Variants in FES observed in about 807,000 individuals in gnomAD.
The protein encoded by FES is tyrosine-protein kinase Fes/Fps.
In FES, 83 loss-of-function variants were observed where a neutral mutation model predicts 109.6. The observed-to-expected ratio is 0.76, with a 90% CI of 0.63 to 0.91. The LOEUF (loss-of-function observed/expected upper bound fraction) is 0.91, where lower values mean the gene tolerates loss of function less well. FES is among the 40% of genes least tolerant of loss of function. FES has a pLI of 0.00. For synonymous variants in FES, 458 were observed against 442.1 expected, an observed-to-expected ratio of 1.04 and a Z score of -0.45; for missense variants, 943 against 1,070.9, an observed-to-expected ratio of 0.88 and a Z score of 1.67.
At position 90,890,853 on chromosome 15, in the gene FES, G is replaced by T. The variant is rs1460627350; in HGVS notation, c.1321-129G>T. 3 of 922,062 alleles carry T rather than the reference G, an allele frequency of 3.3e-6. No individual in the cohort carries two copies. In the Admixed American group the frequency reaches 6.7e-5, roughly 21 times the overall value. 57.1% of individuals were successfully genotyped at this position (922,062 alleles called of 1,614,324 possible). On this transcript the variant is annotated intron_variant, in intron 10 of 18. Transcript: ENST00000328850. ...GTGCCCACTCCAGGGGCCTGTGGAT[G>T]GCTCTGCATGCCACTCCATGGTTGT... is the stretch of plus-strand genomic sequence containing the variant.
rs780027559 is a variant in FES, at chr15:90,890,234, C to T, written c.1192C>T (p.Pro398Ser). The change falls in exon 9 of 19, where the codon CCT becomes TCT. Residue 398 changes from proline (P) to serine (S), a missense_variant. Physicochemically the swap from Pro to Ser is moderately conservative, Grantham distance 74. Transcript: ENST00000328850. ...GCACCTGGGCCCCGGCGAGCCCCCGCCTGTGCTGCTCCTGCAGGATGACCG... is the reference window on the plus strand; with the variant it reads ...GCACCTGGGCCCCGGCGAGCCCCCGTCTGTGCTGCTCCTGCAGGATGACCG... ...LEHLGPGEPP[P>S]VLLLQDDRHS... 1.6e-5 allele frequency: 26 copies of T among 1,599,910 alleles called. No individual in the cohort carries two copies. Among genetic ancestry groups the T allele is most frequent in the Non-Finnish European group, 2.0e-5 (24 of 1,178,352 alleles).
rs753965684 is a variant in FES at position 90,890,965 on chromosome 15, G to T, written c.1321-17G>T. On this transcript the variant is annotated splice_polypyrimidine_tract_variant and intron_variant, in intron 10 of 18. Transcript: ENST00000328850. Reference sequence around the variant, plus strand: ...CAAGGTGGTTAAGTGACTCCTCCTCGATCCTCCCTTGCCCAGCTCCCTCCA... The same window carrying T: ...CAAGGTGGTTAAGTGACTCCTCCTCTATCCTCCCTTGCCCAGCTCCCTCCA... 12 of 1,564,786 alleles carry T rather than the reference G, an allele frequency of 7.7e-6. No individual in the cohort carries two copies. The highest frequency in any genetic ancestry group is 4.7e-5 in the East Asian group (2 of 42,786).
Position 90,885,077 on chromosome 15 carries a change from A to G in FES, c.32A>G (p.Gln11Arg). Residue 11 changes from glutamine (Q) to arginine (R), a missense_variant, in exon 2 of 19, where the codon CAG becomes CGG. Transcript: ENST00000328850. MGFSSELCSPQGHGVLQQMQE... is the reference protein window; with the variant it reads MGFSSELCSPRGHGVLQQMQE... The stretch of plus-strand genomic sequence containing the variant: ...TTCTCTTCCGAGCTGTGCAGCCCCC[A>G]GGGCCACGGGGTCCTGCAGCAAATG... The G allele has an allele frequency of 2.5e-6, 4 of 1,613,110 alleles. No individual in the cohort carries two copies. The highest frequency in any genetic ancestry group is 3.4e-6 in the Non-Finnish European group (4 of 1,179,930).
chr15:90,891,177 A>C lies in FES; in HGVS notation c.1516A>C (p.Ile506Leu). The C allele has an allele frequency of 6.4e-7, 1 of 1,557,912 alleles. No homozygotes were observed. Among genetic ancestry groups the C allele is most frequent in the African/African-American group, 1.4e-5 (1 of 73,782 alleles). The change falls in exon 11 of 19, where the codon ATC (isoleucine) becomes CTC (leucine). Residue 506 changes from isoleucine (I) to leucine (L), a missense_variant. By Grantham distance (5) the Ile-to-Leu change is conservative. Transcript: ENST00000328850. Reference sequence around the variant, plus strand: ...GGATGGTCTGCCCCGGCACTTCATCATCCAGTCCTTGGATGTGAGTGGGGC... The same window carrying C: ...GGATGGTCTGCCCCGGCACTTCATCCTCCAGTCCTTGGATGTGAGTGGGGC... Reference protein sequence around the residue: ...LWDGLPRHFIIQSLDNLYRLE... With the variant: ...LWDGLPRHFILQSLDNLYRLE...
At position 90,890,063 on chromosome 15, in the gene FES, TCCACCCTC is replaced by T. The variant is rs777704448; in HGVS notation, c.1050-22_1050-15del. On this transcript the variant is annotated intron_variant, in intron 8 of 18. Coordinates refer to ENST00000328850, the MANE Select transcript of FES (RefSeq NM_002005.4). ...GCCGCAGACCGAGCCCTTATTCTCA[TCCACCCTC>T]CCACCCGCCCCTGCCTGCAGGGTGC... 68 of 1,552,850 alleles carry T rather than the reference TCCACCCTC, an allele frequency of 4.4e-5. 1 individual carries two copies. Among genetic ancestry groups the T allele is most frequent in the Non-Finnish European group, 5.2e-6 (6 of 1,149,192 alleles).
intron 3 of FES, 149 bp from the exon 4 acceptor site, chr15:90,886,812 C>T (rs989412170): frequency 2.7e-5 from 18 of 676,082 alleles, no homozygotes; most frequent in Non-Finnish European, 4.4e-5. Context: ...GCTCTCTGAT[C>T]TTTGACTCTC....
Position 90,893,361 on chromosome 15 carries a change from G to A in FES, c.1992G>A (p.Val664=). The A allele has an allele frequency of 1.3e-6, 2 of 1,564,886 alleles. No individual in the cohort carries two copies. The highest frequency in any genetic ancestry group is 1.7e-6 in the Non-Finnish European group (2 of 1,155,798). ...RLRVKTLLQM[V]GDAAAGMEYL... is the part of the protein sequence containing the mutation. ...GGGTGAAGACTCTGCTGCAGATGGT[G>A]GGGGATGCAGCTGCTGGCATGGAGT... The change falls in exon 16 of 19, where the codon GTG becomes GTA. Residue 664 remains valine, a synonymous_variant. Transcript: ENST00000328850.
At chr15:90,895,295 C>A in intron 18 of FES, 121 bp from the exon 19 acceptor site, 1 of 826,956 alleles carries the variant, frequency 1.2e-6, no homozygotes, top group Non-Finnish European at 1.7e-6. Flanking sequence ...TGGTGGAGAA[C>A]AGTGCATCCT....
rs747004920 is a variant in FES at position 90,889,486 on chromosome 15, C to A, written c.807-31C>A. The A allele has an allele frequency of 6.2e-7, 1 of 1,613,920 alleles. No homozygotes were observed. The highest frequency in any genetic ancestry group is 1.1e-5 in the South Asian group (1 of 91,072). ...TCCTGCTGGGCCCAGGGCTGCTGGC[C>A]TGTCCACTGACGGGGCGCTGTCCCC... is the stretch of plus-strand genomic sequence containing the variant. On this transcript the variant is annotated intron_variant, in intron 6 of 18. Coordinates refer to ENST00000328850, the MANE Select transcript of FES (RefSeq NM_002005.4). The surrounding 1 kb of genome is among the most constrained non-coding windows in gnomAD (Gnocchi z 6.1).
At chr15:90,888,747 C>CATTTATTTATTT (rs57072260) in intron 5 of FES, among the ~76,000 whole-genome samples, 12 of 142,662 alleles carry the variant, frequency 8.4e-5, no homozygotes, top group East Asian at 6.3e-4. Context: ...GATAGCAGTT[C>CATTTATTTATTT]ATTTATTTAT....
chr15:90,889,460 C>G lies in FES; in HGVS notation c.806+17C>G. On this transcript the variant is annotated intron_variant, in intron 6 of 18. Coordinates refer to ENST00000328850, the MANE Select transcript of FES (RefSeq NM_002005.4). This position sits in a 1 kb window ranked among gnomAD's most constrained non-coding sequence, Gnocchi z 6.1. ...ACAGTATGGGTAAGCCCCGTCCTTG[C>G]TCCTGCTGGGCCCAGGGCTGCTGGC... 1 of 1,613,948 alleles carries G rather than the reference C, an allele frequency of 6.2e-7. No homozygotes were observed. The highest frequency in any genetic ancestry group is 1.1e-5 in the South Asian group (1 of 91,078).
chr15:90,893,555 G>A (rs2033434960), intron 16 of FES, 99 bp from the exon 17 acceptor site: 3 of 1,498,670 alleles, frequency 2.0e-6, no homozygotes, highest in Admixed American at 2.3e-5. Flanking sequence ...GGGGTGCCCA[G>A]GGCCGGGAGC....
chr15:90,887,560 AT>A (rs1179150721), intron 5 of FES, among the ~76,000 whole-genome samples, 190 bp downstream of exon 5: 1 of 152,158 alleles, frequency 6.6e-6, no homozygotes, highest in Non-Finnish European at 1.5e-5. Flanking sequence ...CCAGGGTCTC[AT>A]TATTCCAGGG....
chr15:90,893,071 C>T (rs767671156), intron 14 of FES, 29 bp from the exon 15 acceptor site: 21 of 1,606,272 alleles, frequency 1.3e-5, no homozygotes, highest in East Asian at 6.7e-5. Flanking sequence ...GGCCTGGCCA[C>T]GTAGATCCTG....
chr15:90,892,525 T>G, intron 13 of FES, 182 bp from the exon 14 acceptor site: 1 of 595,808 alleles, frequency 1.7e-6, no homozygotes, highest in Non-Finnish European at 3.0e-6. Context: ...CGGAGGCAAC[T>G]TTCCCTGCCT....
chr15:90,887,414 C>G (rs781261769), intron 5 of FES, 44 bp downstream of exon 5: 11 of 1,549,914 alleles, frequency 7.1e-6, no homozygotes, highest in Non-Finnish European at 8.7e-6. Context: ...CTTGAGCAGC[C>G]CTAAGCCCAG....
intron 13 of FES, 160 bp downstream of exon 13, chr15:90,892,271 CG>C: frequency 1.3e-6 from 1 of 760,436 alleles, no homozygotes; most frequent in Non-Finnish European, 2.2e-6. Flanking sequence ...CTCCAGGAAA[CG>C]GGACAGTACC....
Position 90,895,614 on chromosome 15 carries a change from A to G in FES, c.*56A>G, listed in dbSNP as rs2033639692. 1.4e-6 allele frequency: 2 copies of G among 1,438,522 alleles called. No individual in the cohort carries two copies. The highest frequency in any genetic ancestry group is 1.8e-6 in the Non-Finnish European group (2 of 1,084,040). The allele number at this position is 1,438,522 out of a possible 1,614,324, so 89.1% of individuals were successfully genotyped here. A position where few individuals can be genotyped will look rare whatever the true frequency, so the allele number is the denominator to read the frequency against. On this transcript the variant is annotated 3_prime_UTR_variant, in exon 19 of 19. Coordinates refer to ENST00000328850, the MANE Select transcript of FES (RefSeq NM_002005.4). Reference sequence around the variant, plus strand: ...TCTGCAGGCCTAGGTGCAGCTCCTCAGCGGCTCCAGCTCATATGCTGACAG... The same window carrying G: ...TCTGCAGGCCTAGGTGCAGCTCCTCGGCGGCTCCAGCTCATATGCTGACAG...
intron 11 of FES, 142 bp from the exon 12 acceptor site, chr15:90,891,412 A>C (rs971924078): frequency 5.0e-6 from 6 of 1,205,608 alleles, no homozygotes; most frequent in Non-Finnish European, 7.2e-6. Context: ...GTCATGTGCC[A>C]TCAGATGGCA....
Sources: gnomAD v4.1 joint callset for allele counts (sites outside exome capture counted in the v4.1 genomes callset) on GRCh38, gnomAD v4.1.1 for gene constraint, Gnocchi (gnomAD v3.1) non-coding constraint, MANE v1.5 for transcripts, NCBI Gene and HGNC (gene_info 2026-07-23, HGNC 2026-07-21) for gene names.